The following SBF2 variants were observed in gnomAD, a reference collection of about 807,000 sequenced individuals.
The protein encoded by SBF2 is myotubularin-related protein 13.
In SBF2, 112 loss-of-function variants were observed where a neutral mutation model predicts 225.2. The observed-to-expected ratio is 0.50, with a 90% CI of 0.43 to 0.58. The LOEUF is 0.58. Ranked by LOEUF, SBF2 falls within the 20% of genes least tolerant of loss-of-function variation. The pLI is 0.00. For synonymous variants in SBF2, 763 were observed against 773.3 expected, an observed-to-expected ratio of 0.99 and a Z score of 0.22; for missense variants, 1,996 against 2,206.2, an observed-to-expected ratio of 0.90 and a Z score of 1.91.
At chr11:9,923,591 T>C (rs1227590120) in intron 16 of SBF2, among the ~76,000 whole-genome samples, 3 of 152,236 alleles carry the variant, frequency 2.0e-5, no homozygotes, top group South Asian at 4.1e-4. Context: ...CAATGGGACA[T>C]ATTTTCTTGA....
intron 15 of SBF2, among the ~76,000 whole-genome samples, chr11:9,962,934 C>T (rs1866671283): frequency 6.6e-6 from 1 of 152,164 alleles, no homozygotes; most frequent in Admixed American, 6.5e-5. Flanking sequence ...GTAAAGAGCA[C>T]TGGGTCAGTC....
chr11:10,193,886 TACA>T lies in SBF2; in HGVS notation c.141+13_141+15del. 1.3e-6 allele frequency: 2 copies of T among 1,554,344 alleles called. No homozygotes were observed. The highest frequency in any genetic ancestry group is 1.8e-6 in the Non-Finnish European group (2 of 1,125,626). On this transcript the variant is annotated intron_variant, in intron 2 of 39. Transcript: ENST00000256190. ...AAGTAACATTATAAATATGCAATAA[TACA>T]ACAACCACTTACCAACTCAATTCCC...
intron 17 of SBF2, among the ~76,000 whole-genome samples, chr11:9,870,863 A>G (rs1858668643): frequency 6.6e-6 from 1 of 151,940 alleles, no homozygotes; most frequent in Non-Finnish European, 1.5e-5. Context: ...AGTCCCAGCT[A>G]CTTGGGAGGC....
Position 9,992,546 on chromosome 11 carries a change from G to A in SBF2, c.1168-3C>T, listed in dbSNP as rs747031596. The A allele has an allele frequency of 6.2e-7, 1 of 1,608,788 alleles. No homozygotes were observed. The highest frequency in any genetic ancestry group is 8.5e-7 in the Non-Finnish European group (1 of 1,177,768). On this transcript the variant is annotated splice_region_variant and splice_polypyrimidine_tract_variant and intron_variant, in intron 11 of 39. Transcript: ENST00000256190. ...CCACGCTGCCCCAAGAATGCTGTCT[G>A]TGAAAAAAGAAAATGTGAAATAATA...
chr11:10,289,663 G>A (rs764777792), intron 1 of SBF2, among the ~76,000 whole-genome samples: 15 of 152,230 alleles, frequency 9.9e-5, no homozygotes, highest in South Asian at 4.1e-4. Flanking sequence ...GGCCCTAGGC[G>A]GCCCTGCTCA....
In SBF2 at chr11:9,895,948, A is replaced by G; in HGVS notation, c.1924T>C (p.Tyr642His). 6.2e-7 allele frequency: 1 copy of G among 1,609,958 alleles called. No homozygotes were observed. Reference sequence around the variant, plus strand: ...TATGGACCAATGAAACTTACCCTATAGAAAGCACTGGTCAAAGGGAGTAAT... The same window carrying G: ...TATGGACCAATGAAACTTACCCTATGGAAAGCACTGGTCAAAGGGAGTAAT... ...AALLPLTSAF[Y>H]RKLAPGVSQF... Residue 642 changes from tyrosine (Y) to histidine (H), a missense_variant, in exon 17 of 40, where the codon TAT becomes CAT. Coordinates refer to ENST00000256190, the MANE Select transcript of SBF2 (RefSeq NM_030962.4).
In SBF2 at chr11:9,839,670, T is replaced by A; in HGVS notation, c.3283A>T (p.Ser1095Cys). The A allele has an allele frequency of 1.9e-6, 3 of 1,613,820 alleles. No individual in the cohort carries two copies. Among genetic ancestry groups the A allele is most frequent in the Non-Finnish European group, 2.5e-6 (3 of 1,179,866 alleles). ...SVSDESELPT[S>C]TTLKASEKST... ...TTCTCGGAGGCCTTCAGGGTGGTAC[T>A]TGTGGGGAGCTCACTCTCATCTGAA... Residue 1095 changes from serine (S) to cysteine (C), a missense_variant, in exon 26 of 40, where the codon AGT (serine) becomes TGT (cysteine). Physicochemically the swap from Ser to Cys is moderately radical, Grantham distance 112 (BLOSUM62 -1). Coordinates refer to ENST00000256190, the MANE Select transcript of SBF2 (RefSeq NM_030962.4).
At chr11:9,865,833 G>C (rs1002223079) in intron 17 of SBF2, among the ~76,000 whole-genome samples, 2 of 151,822 alleles carry the variant, frequency 1.3e-5, no homozygotes, top group African/African-American at 4.8e-5. Flanking sequence ...TTGGCTTATA[G>C]AGTCTTGTTT....
At chr11:10,061,307 C>G (rs1950435241) in intron 2 of SBF2, among the ~76,000 whole-genome samples, 2 of 152,138 alleles carry the variant, frequency 1.3e-5, no homozygotes, top group South Asian at 4.1e-4. Context: ...CAAGGATGCC[C>G]TCTCTCACCA....
intron 2 of SBF2, among the ~76,000 whole-genome samples, chr11:10,086,249 C>T (rs912921849): frequency 1.3e-4 from 19 of 149,238 alleles, no homozygotes; most frequent in African/African-American, 4.4e-4. Flanking sequence ...TTTTATATGT[C>T]CTGGCCATGT....
chr11:10,173,526 G>A (rs1024844163), intron 2 of SBF2, among the ~76,000 whole-genome samples: 25 of 152,166 alleles, frequency 1.6e-4, no homozygotes, highest in Non-Finnish European at 3.1e-4. Context: ...ACGGAGTCTC[G>A]CTGATTGCTA....
At chr11:9,886,699 G>GGTTTTTTTT (rs1554941772) in intron 17 of SBF2, among the ~76,000 whole-genome samples, 7 of 133,740 alleles carry the variant, frequency 5.2e-5, no homozygotes, top group African/African-American at 1.1e-4. Flanking sequence ...TGATTCATGT[G>GGTTTTTTTT]TTTTTTTTTT....
At chr11:9,807,907 A>C in intron 32 of SBF2, 93 bp downstream of exon 32, 5 of 1,081,860 alleles carry the variant, frequency 4.6e-6, no homozygotes, top group South Asian at 1.3e-5. Context: ...TTATGACAGG[A>C]AGGTACCGGG....
chr11:10,075,515 G>T (rs1220438745), intron 2 of SBF2, among the ~76,000 whole-genome samples: 1 of 152,186 alleles, frequency 6.6e-6, no homozygotes, highest in Non-Finnish European at 1.5e-5. Flanking sequence ...AAAGGTGATT[G>T]GATCATCGGG....
At chr11:10,093,447 G>C (rs1951869242) in intron 2 of SBF2, among the ~76,000 whole-genome samples, 1 of 150,254 alleles carries the variant, frequency 6.7e-6, no homozygotes. Flanking sequence ...TTAGATGTAA[G>C]ATTTAATTTT....
At chr11:9,925,373 C>A (rs113766219) in intron 16 of SBF2, among the ~76,000 whole-genome samples, 30,774 of 151,966 alleles carry the variant, frequency 0.2, 3,896 homozygotes, top group Non-Finnish European at 0.29. Flanking sequence ...CACCTCCCGG[C>A]TTCAAGCGAT....
intron 2 of SBF2, among the ~76,000 whole-genome samples, chr11:10,170,096 G>A (rs1490044948): frequency 1.3e-5 from 2 of 151,894 alleles, no homozygotes; most frequent in African/African-American, 4.8e-5. Flanking sequence ...TCTTCACTTT[G>A]TTGATTGTTT....
chr11:9,903,463 T>C (rs1861886963), intron 16 of SBF2, among the ~76,000 whole-genome samples: 1 of 152,188 alleles, frequency 6.6e-6, no homozygotes, highest in Non-Finnish European at 1.5e-5. Flanking sequence ...GTATTACTGA[T>C]GGTGAATCCA....
intron 2 of SBF2, among the ~76,000 whole-genome samples, chr11:10,193,039 TAAC>T (rs1363439962): frequency 6.6e-6 from 1 of 152,122 alleles, no homozygotes; most frequent in African/African-American, 2.4e-5. Flanking sequence ...TTAAAACGGG[TAAC>T]AACAACAACA....
Sources: allele counts gnomAD v4.1 joint callset (sites outside exome capture counted in the v4.1 genomes callset), GRCh38; gene constraint gnomAD v4.1.1; transcripts MANE v1.5; gene names NCBI Gene and HGNC (gene_info 2026-07-23, HGNC 2026-07-21).